Variants in ASB13 observed in about 807,000 individuals in gnomAD.
ASB13 encodes the protein ankyrin repeat and SOCS box containing 13.
Under a neutral mutation model 28.8 loss-of-function variants are expected in ASB13, and 33 were observed. That is an observed-to-expected ratio of 1.15 (90% CI 0.87 to 1.53). The LOEUF (loss-of-function observed/expected upper bound fraction) is 1.53. ASB13 is among the 40% of genes most tolerant of loss of function. The pLI is 0.00. For missense variants in ASB13, 414 were observed against 390.1 expected, an observed-to-expected ratio of 1.06 and a Z score of -0.52; for synonymous variants, 182 against 172.9, an observed-to-expected ratio of 1.05 and a Z score of -0.41.
Position 5,642,605 on chromosome 10 carries a change from C to T in ASB13, c.518-644G>A, listed in dbSNP as rs1834826704. ...ATTTTTTTTTAAAAAAAAGAGCAGA[C>T]ATTCAGAAAGATGCAAGGAATTAGT... On this transcript the variant is annotated intron_variant, in intron 4 of 5. Transcript: ENST00000357700. The surrounding 1 kb of genome is among the most constrained non-coding windows in gnomAD (Gnocchi z 4.1). The T allele has an allele frequency of 2.1e-6, 2 of 940,384 alleles. No homozygotes were observed. Among genetic ancestry groups the T allele is most frequent in the Non-Finnish European group, 2.8e-6 (2 of 704,190 alleles). 58.3% of individuals were successfully genotyped at this position (940,384 alleles called of 1,614,324 possible).
chr10:5,662,555 G>C (rs1460880536), intron 1 of ASB13, among the ~76,000 whole-genome samples: 14 of 45,558 alleles, frequency 3.1e-4, no homozygotes, highest in South Asian at 2.2e-3. Flanking sequence ...GGAGGGGAGG[G>C]GAGGGGAGGG....
Position 5,645,345 on chromosome 10 carries a change from A to G in ASB13, c.518-3384T>C, listed in dbSNP as rs981867162. 1.7e-4 allele frequency among the ~76,000 whole-genome samples: 26 copies of G among 152,210 alleles called. No homozygotes were observed. The highest frequency in any genetic ancestry group is 6.5e-5 in the Admixed American group (1 of 15,280). ...TTGTGCCAGGGCCAGTGCTAAGAAC[A>G]AAGGTGGAAGCAGGACCGTCCTCAG... On this transcript the variant is annotated intron_variant, in intron 4 of 5. Transcript: ENST00000357700. The surrounding 1 kb of genome is among the most constrained non-coding windows in gnomAD (Gnocchi z 5.4).
intron 1 of ASB13, among the ~76,000 whole-genome samples, chr10:5,665,061 T>C (rs1322490584): frequency 4.6e-5 from 7 of 152,244 alleles, no homozygotes; most frequent in African/African-American, 1.7e-4. Flanking sequence ...TTCGCCATGT[T>C]GGCCAGGCTG....
Position 5,644,361 on chromosome 10 carries a change from T to C in ASB13, c.518-2400A>G, listed in dbSNP as rs897701054. On this transcript the variant is annotated intron_variant, in intron 4 of 5. Coordinates refer to ENST00000357700, the MANE Select transcript of ASB13 (RefSeq NM_024701.4). The surrounding 1 kb of genome is among the most constrained non-coding windows in gnomAD (Gnocchi z 5.1). ...TTTAAAAATTACCCGGGGGGCGTGA[T>C]GGCACACATCTGTGGTCCCACCTAC... 1.3e-5 allele frequency among the ~76,000 whole-genome samples: 2 copies of C among 152,122 alleles called. No individual in the cohort carries two copies. Among genetic ancestry groups the C allele is most frequent in the Admixed American group, 1.3e-4 (2 of 15,266 alleles).
At chr10:5,648,898 C>A in intron 4 of ASB13, 72 bp downstream of exon 4, 1 of 1,590,006 alleles carries the variant, frequency 6.3e-7, no homozygotes, top group Non-Finnish European at 8.6e-7. Flanking sequence ...GGGCAAACAC[C>A]CACGCAGGTA....
rs1835169233 is a variant in ASB13 at position 5,661,690 on chromosome 10, G to A, written c.43+4819C>T. ...ATTTTTGTATTTTCTGTAGAGACAG[G>A]GTTTCACCATGTTGCCCAGGCTGGT... On this transcript the variant is annotated intron_variant, in intron 1 of 5. Coordinates refer to ENST00000357700, the MANE Select transcript of ASB13 (RefSeq NM_024701.4). The surrounding 1 kb of genome is among the most constrained non-coding windows in gnomAD (Gnocchi z 4.9). 6.6e-6 allele frequency among the ~76,000 whole-genome samples: 1 copy of A among 151,994 alleles called. No homozygotes were observed. Among genetic ancestry groups the A allele is most frequent in the African/African-American group, 2.4e-5 (1 of 41,376 alleles).
rs995206115 is a variant in ASB13 at position 5,639,563 on chromosome 10, C to G, written c.*1140G>C. ...AGACTCCTAGGCCGGCCCATGCAGT[C>G]TGAATACGCTACCGAATGCTCCACC... On this transcript the variant is annotated 3_prime_UTR_variant, in exon 6 of 6. Coordinates refer to ENST00000357700, the MANE Select transcript of ASB13 (RefSeq NM_024701.4). 3.1e-4 allele frequency: 47 copies of G among 152,228 alleles called. No homozygotes were observed. Among genetic ancestry groups the G allele is most frequent in the African/African-American group, 1.1e-3 (45 of 41,444 alleles). The allele number at this position is 152,228 out of a possible 1,614,324, so 9.4% of individuals were successfully genotyped here.
Position 5,664,664 on chromosome 10 carries a change from C to CTTTA in ASB13, c.43+1841_43+1844dup, listed in dbSNP as rs369393605. On this transcript the variant is annotated intron_variant, in intron 1 of 5. Coordinates refer to ENST00000357700, the MANE Select transcript of ASB13 (RefSeq NM_024701.4). This position sits in a 1 kb window ranked among gnomAD's most constrained non-coding sequence, Gnocchi z 4.2. The stretch of plus-strand genomic sequence containing the variant: ...GACGTCCATAGGGAATGCAGAATTT[C>CTTTA]TTTATTTCTTTATTTATTTATTTTA... 2.2e-4 allele frequency among the ~76,000 whole-genome samples: 33 copies of CTTTA among 147,744 alleles called. No homozygotes were observed. Among genetic ancestry groups the CTTTA allele is most frequent in the South Asian group, 6.5e-4 (3 of 4,632 alleles).
At chr10:5,646,058 G>A (rs11256772) in intron 4 of ASB13, among the ~76,000 whole-genome samples, 31,837 of 152,016 alleles carry the variant, frequency 0.21, 3,545 homozygotes, top group Non-Finnish European at 0.26. Flanking sequence ...CCACAGCATC[G>A]AGCCAACACC....
Position 5,659,494 on chromosome 10 carries a change from G to A in ASB13, c.44-6444C>T, listed in dbSNP as rs545501877. On this transcript the variant is annotated intron_variant, in intron 1 of 5. Coordinates refer to ENST00000357700, the MANE Select transcript of ASB13 (RefSeq NM_024701.4). This position sits in a 1 kb window ranked among gnomAD's most constrained non-coding sequence, Gnocchi z 5.8. ...GTGTCCAGTGACACCAAACTCTACC[G>A]ACTCACACAGAGTCCAGTGGCTGCA... 5.9e-5 allele frequency among the ~76,000 whole-genome samples: 9 copies of A among 152,250 alleles called. No homozygotes were observed. The highest frequency in any genetic ancestry group is 2.1e-4 in the South Asian group (1 of 4,812).
At position 5,640,572 on chromosome 10, in the gene ASB13, C is replaced by A; in HGVS notation, c.*131G>T. 1.7e-6 allele frequency: 2 copies of A among 1,186,104 alleles called. No individual in the cohort carries two copies. Among genetic ancestry groups the A allele is most frequent in the Non-Finnish European group, 1.2e-6 (1 of 837,980 alleles). The allele number at this position is 1,186,104 out of a possible 1,614,324, so 73.5% of individuals were successfully genotyped here. ...TCCAGGAGAGAAGCCTAAACAGGAT[C>A]GCAGGAAGGGACTCGAAGGAGCGTT... On this transcript the variant is annotated 3_prime_UTR_variant, in exon 6 of 6. Coordinates refer to ENST00000357700, the MANE Select transcript of ASB13 (RefSeq NM_024701.4).
intron 1 of ASB13, among the ~76,000 whole-genome samples, chr10:5,657,940 G>T (rs569312716): frequency 2.0e-5 from 3 of 147,130 alleles, no homozygotes; most frequent in African/African-American, 7.5e-5. Context: ...TTGAGGTTAG[G>T]AGTTCGAGAC....
At position 5,666,239 on chromosome 10, in the gene ASB13, G is replaced by A. The variant is rs551216475; in HGVS notation, c.43+270C>T. The stretch of plus-strand genomic sequence containing the variant: ...GGCGCGCGGCGCTCGGTGGGTTTGC[G>A]GTTGCGAAACCCCACACCTGGCGAG... On this transcript the variant is annotated intron_variant, in intron 1 of 5. Transcript: ENST00000357700. Among the ~76,000 whole-genome samples, 1,408 of 152,220 alleles carry A rather than the reference G, an allele frequency of 9.2e-3. 23 individuals carry two copies. The highest frequency in any genetic ancestry group is 0.032 in the African/African-American group (1,350 of 41,542).
In ASB13 at chr10:5,651,294, C is replaced by T. The variant is rs779393090; in HGVS notation, c.301G>A (p.Val101Met). The T allele has an allele frequency of 1.2e-6, 2 of 1,614,132 alleles. No homozygotes were observed. Among genetic ancestry groups the T allele is most frequent in the Admixed American group, 1.7e-5 (1 of 60,022 alleles). The change falls in exon 3 of 6, where the codon GTG becomes ATG. Residue 101 changes from valine to methionine, a missense_variant. Physicochemically the swap from Val to Met is conservative, Grantham distance 21 (BLOSUM62 1). Coordinates refer to ENST00000357700, the MANE Select transcript of ASB13 (RefSeq NM_024701.4). The surrounding 1 kb of genome is among the most constrained non-coding windows in gnomAD (Gnocchi z 5.1). ...DACASGSIEC[V>M]KLLLSYGAKV... ...GCCCCGTAGGACAGCAAGAGCTTCA[C>T]ACACTCGATGCTGCCCGAGGCGCAG...
At chr10:5,653,803 T>G (rs1835029027) in intron 1 of ASB13, among the ~76,000 whole-genome samples, 1 of 152,144 alleles carries the variant, frequency 6.6e-6, no homozygotes, top group East Asian at 1.9e-4. Flanking sequence ...TGCCTCAGCC[T>G]CCCAAGTAGC....
rs532086737 is a variant in ASB13 at position 5,656,453 on chromosome 10, C to A, written c.44-3403G>T. On this transcript the variant is annotated intron_variant, in intron 1 of 5. Coordinates refer to ENST00000357700, the MANE Select transcript of ASB13 (RefSeq NM_024701.4). This position sits in a 1 kb window ranked among gnomAD's most constrained non-coding sequence, Gnocchi z 4.3. ...ACTCAGGAGGCGGAGGCAGCAGAAT[C>A]GCTTGAACCCAGGAGGCGGAGATTG... is the stretch of plus-strand genomic sequence containing the variant. Among the ~76,000 whole-genome samples the A allele has an allele frequency of 3.9e-5, 6 of 151,904 alleles. No individual in the cohort carries two copies. The highest frequency in any genetic ancestry group is 3.9e-4 in the Admixed American group (6 of 15,244).
Position 5,641,816 on chromosome 10 carries a change from G to A in ASB13, c.663C>T (p.Tyr221=). 6.2e-7 allele frequency: 1 copy of A among 1,612,062 alleles called. No individual in the cohort carries two copies. Among genetic ancestry groups the A allele is most frequent in the South Asian group, 1.1e-5 (1 of 90,438 alleles). The change falls in exon 5 of 6, where the codon TAC becomes TAT. Residue 221 remains tyrosine, a synonymous_variant. Coordinates refer to ENST00000357700, the MANE Select transcript of ASB13 (RefSeq NM_024701.4). The surrounding 1 kb of genome is among the most constrained non-coding windows in gnomAD (Gnocchi z 8.4). ...RDNRGKKPSD[Y]TWSSSAPAKC... ...TGGCGGGAGCGCTGCTGCTCCACGTGTAGTCAGACGGCTTCTTCCCGCGGT... is the reference window on the plus strand; with the variant it reads ...TGGCGGGAGCGCTGCTGCTCCACGTATAGTCAGACGGCTTCTTCCCGCGGT...
At chr10:5,647,028 C>A (rs542215791) in intron 4 of ASB13, among the ~76,000 whole-genome samples, 1 of 152,210 alleles carries the variant, frequency 6.6e-6, no homozygotes, top group Non-Finnish European at 1.5e-5. Flanking sequence ...AAAAGTGGCA[C>A]ATGAAAGTGA....
rs1564223499 is a variant in ASB13, at chr10:5,663,984, A to C, written c.43+2525T>G. Among the ~76,000 whole-genome samples, 1 of 152,172 alleles carries C rather than the reference A, an allele frequency of 6.6e-6. No individual in the cohort carries two copies. The highest frequency in any genetic ancestry group is 1.5e-5 in the Non-Finnish European group (1 of 68,022). On this transcript the variant is annotated intron_variant, in intron 1 of 5. Coordinates refer to ENST00000357700, the MANE Select transcript of ASB13 (RefSeq NM_024701.4). The surrounding 1 kb of genome is among the most constrained non-coding windows in gnomAD (Gnocchi z 4.9). ...GCAAAGATCTCACTCAACTGAGAGT[A>C]CCTGGATGGGGAGACATAAATCCAT...
Sources: allele counts gnomAD v4.1 joint callset (sites outside exome capture counted in the v4.1 genomes callset), GRCh38; gene constraint gnomAD v4.1.1; non-coding constraint Gnocchi (gnomAD v3.1); transcripts MANE v1.5; gene names NCBI Gene and HGNC (gene_info 2026-07-23, HGNC 2026-07-21).